EFEMP1: variants seen among roughly 807,000 people sequenced by gnomAD.
EFEMP1 encodes the protein EGF-containing fibulin-like extracellular matrix protein 1.
In EFEMP1, 18 loss-of-function variants were observed where a neutral mutation model predicts 65.7. The observed-to-expected ratio is 0.27, with a 90% CI of 0.19 to 0.41. The LOEUF (loss-of-function observed/expected upper bound fraction) is 0.41, where lower values mean the gene tolerates loss of function less well. Among genes scored for constraint, EFEMP1 ranks in the 10% least tolerant of loss-of-function variants. The pLI is 1.00. For missense variants in EFEMP1, 469 were observed against 624.8 expected, an observed-to-expected ratio of 0.75 and a Z score of 2.66; for synonymous variants, 237 against 219.7, an observed-to-expected ratio of 1.08 and a Z score of -0.70.
rs1233530630 is a variant in EFEMP1 at position 55,886,322 on chromosome 2, A to G, written c.518-4588T>C. ...TATACTTTTTTTGTTTCCAGACTGT[A>G]AACCCCTGGAGTAAAATAACCGTAT... is the stretch of plus-strand genomic sequence containing the variant. On this transcript the variant is annotated intron_variant, in intron 5 of 11. Transcript: ENST00000355426. The surrounding 1 kb of genome is among the most constrained non-coding windows in gnomAD (Gnocchi z 4.0). 6.6e-6 allele frequency among the ~76,000 whole-genome samples: 1 copy of G among 152,174 alleles called. No individual in the cohort carries two copies. The highest frequency in any genetic ancestry group is 2.4e-5 in the African/African-American group (1 of 41,444).
At position 55,886,236 on chromosome 2, in the gene EFEMP1, A is replaced by G. The variant is rs913354307; in HGVS notation, c.518-4502T>C. ...TTCTCTTTGTTTCTCCATCTCTGAAATAGAGAGTCTATCCTCAACAATAAC... is the reference window on the plus strand; with the variant it reads ...TTCTCTTTGTTTCTCCATCTCTGAAGTAGAGAGTCTATCCTCAACAATAAC... On this transcript the variant is annotated intron_variant, in intron 5 of 11. Coordinates refer to ENST00000355426, the MANE Select transcript of EFEMP1 (RefSeq NM_001039348.3). This position sits in a 1 kb window ranked among gnomAD's most constrained non-coding sequence, Gnocchi z 4.0. Among the ~76,000 whole-genome samples the G allele has an allele frequency of 1.4e-4, 22 of 152,198 alleles. No individual in the cohort carries two copies. The highest frequency in any genetic ancestry group is 7.3e-5 in the Non-Finnish European group (5 of 68,036).
At chr2:55,892,265 G>T (rs1669653467) in intron 5 of EFEMP1, among the ~76,000 whole-genome samples, 1 of 152,096 alleles carries the variant, frequency 6.6e-6, no homozygotes, top group Admixed American at 6.5e-5. Flanking sequence ...TCTGAGATCT[G>T]TTTCATTTTT....
Position 55,871,238 on chromosome 2 carries a change from G to T in EFEMP1, c.1001-115C>A. On this transcript the variant is annotated intron_variant, in intron 9 of 11. Transcript: ENST00000355426. This position sits in a 1 kb window ranked among gnomAD's most constrained non-coding sequence, Gnocchi z 4.2. Reference sequence around the variant, plus strand: ...AAGGAGGTGTGAGAGCATCTGGACTGTGTTCAACCTGCTTTTAGACACAAG... The same window carrying T: ...AAGGAGGTGTGAGAGCATCTGGACTTTGTTCAACCTGCTTTTAGACACAAG... The T allele has an allele frequency of 7.0e-7, 1 of 1,429,504 alleles. No individual in the cohort carries two copies. Among genetic ancestry groups the T allele is most frequent in the Non-Finnish European group, 9.7e-7 (1 of 1,030,628 alleles). The allele number at this position is 1,429,504 out of a possible 1,614,324, so 88.6% of individuals were successfully genotyped here.
At chr2:55,920,096 G>A (rs1210778731) in intron 3 of EFEMP1, among the ~76,000 whole-genome samples, 1 of 152,146 alleles carries the variant, frequency 6.6e-6, no homozygotes, top group South Asian at 2.1e-4. Flanking sequence ...AGTTCCAGCT[G>A]ATCTGACCTT....
chr2:55,882,836 T>G (rs901449376), intron 5 of EFEMP1, among the ~76,000 whole-genome samples: 4 of 152,198 alleles, frequency 2.6e-5, no homozygotes, highest in Admixed American at 2.6e-4. Flanking sequence ...TTCAGAGGTC[T>G]TAGATCATCA....
At chr2:55,912,662 G>T (rs1670520648) in intron 5 of EFEMP1, among the ~76,000 whole-genome samples, 1 of 152,106 alleles carries the variant, frequency 6.6e-6, no homozygotes, top group South Asian at 2.1e-4. Flanking sequence ...ACTGTAATTT[G>T]TTCCTTTAGA....
rs746343797 is a variant in EFEMP1 at position 55,917,382 on chromosome 2, G to A, written c.517+283C>T. ...TTTAACTGGGCTGGGGTGTAGCTTC[G>A]CCATCGAGAAGTTTTAAAGGTTCCC... On this transcript the variant is annotated intron_variant, in intron 5 of 11. Coordinates refer to ENST00000355426, the MANE Select transcript of EFEMP1 (RefSeq NM_001039348.3). The surrounding 1 kb of genome is among the most constrained non-coding windows in gnomAD (Gnocchi z 6.3). 2.0e-5 allele frequency among the ~76,000 whole-genome samples: 3 copies of A among 152,102 alleles called. No homozygotes were observed. The highest frequency in any genetic ancestry group is 6.5e-5 in the Admixed American group (1 of 15,268).
At position 55,871,894 on chromosome 2, in the gene EFEMP1, G is replaced by A. The variant is rs1668824874; in HGVS notation, c.1001-771C>T. Among the ~76,000 whole-genome samples the A allele has an allele frequency of 6.6e-6, 1 of 152,070 alleles. No individual in the cohort carries two copies. The highest frequency in any genetic ancestry group is 1.5e-5 in the Non-Finnish European group (1 of 68,002). ...GAGGAAGTTAAGGAAGAGGCTGTCAGTGCAGGGAGACAACCCAGGAAAAGG... is the reference window on the plus strand; with the variant it reads ...GAGGAAGTTAAGGAAGAGGCTGTCAATGCAGGGAGACAACCCAGGAAAAGG... On this transcript the variant is annotated intron_variant, in intron 9 of 11. Coordinates refer to ENST00000355426, the MANE Select transcript of EFEMP1 (RefSeq NM_001039348.3). The surrounding 1 kb of genome is among the most constrained non-coding windows in gnomAD (Gnocchi z 4.2).
In EFEMP1 at chr2:55,917,878, C is replaced by T. The variant is rs1187550373; in HGVS notation, c.304G>A (p.Val102Ile). The T allele has an allele frequency of 1.2e-6, 2 of 1,614,136 alleles. No homozygotes were observed. The highest frequency in any genetic ancestry group is 1.3e-5 in the African/African-American group (1 of 74,940). Residue 102 changes from valine (V) to isoleucine (I), a missense_variant, in exon 5 of 12, where the codon GTA becomes ATA. Physicochemically the swap from Val to Ile is conservative, Grantham distance 29. This residue lies in a region of EFEMP1 where 399 missense variants were observed against 528.2 expected (regional missense o/e 0.76). Coordinates refer to ENST00000355426, the MANE Select transcript of EFEMP1 (RefSeq NM_001039348.3). This position sits in a 1 kb window ranked among gnomAD's most constrained non-coding sequence, Gnocchi z 6.3. Reference protein sequence around the residue: ...EGTSGATTGVVAASSMATSGV... With the variant: ...EGTSGATTGVIAASSMATSGV... The stretch of plus-strand genomic sequence containing the variant: ...CTGGTTGCCATGCTGCTGGCAGCTA[C>T]AACCCCGGTGGTTGCCCCTGAGGTT...
intron 5 of EFEMP1, among the ~76,000 whole-genome samples, chr2:55,907,187 A>G (rs1405962419): frequency 6.6e-6 from 1 of 152,228 alleles, no homozygotes; most frequent in African/African-American, 2.4e-5. Flanking sequence ...AGCATCATCA[A>G]CTATGATCAG....
chr2:55,880,801 G>A (rs1212058366), intron 6 of EFEMP1, among the ~76,000 whole-genome samples: 1 of 152,160 alleles, frequency 6.6e-6, no homozygotes, highest in Non-Finnish European at 1.5e-5. Context: ...TCTGCCAGTT[G>A]GCTTCCTCAT....
At chr2:55,908,631 T>C (rs533064720) in intron 5 of EFEMP1, among the ~76,000 whole-genome samples, 16 of 152,192 alleles carry the variant, frequency 1.1e-4, no homozygotes, top group Non-Finnish European at 2.1e-4. Flanking sequence ...TTATGTTAAT[T>C]AGCTTGATTT....
chr2:55,898,203 T>TG (rs954548019), intron 5 of EFEMP1, among the ~76,000 whole-genome samples: 5 of 152,134 alleles, frequency 3.3e-5, no homozygotes, highest in African/African-American at 1.2e-4. Context: ...TCATGAAGTG[T>TG]GGGGGGTGAA....
intron 5 of EFEMP1, among the ~76,000 whole-genome samples, chr2:55,910,507 C>G (rs1484903123): frequency 6.6e-6 from 1 of 152,182 alleles, no homozygotes. Flanking sequence ...CGTGCAAAGG[C>G]AATCCTTACA....
chr2:55,879,567 G>T (rs1220025645), intron 6 of EFEMP1, among the ~76,000 whole-genome samples: 2 of 152,104 alleles, frequency 1.3e-5, no homozygotes, highest in Non-Finnish European at 2.9e-5. Flanking sequence ...TACTGTGTTT[G>T]GCACCCCAAG....
chr2:55,894,873 C>T (rs927112234), intron 5 of EFEMP1, among the ~76,000 whole-genome samples: 2 of 152,206 alleles, frequency 1.3e-5, no homozygotes, highest in Admixed American at 6.5e-5. Context: ...TGATGAATCA[C>T]GTGGCTAGGC....
chr2:55,906,375 C>T (rs1355147974), intron 5 of EFEMP1, among the ~76,000 whole-genome samples: 1 of 152,082 alleles, frequency 6.6e-6, no homozygotes, highest in Non-Finnish European at 1.5e-5. Context: ...AGGCATGTGC[C>T]ATCACGCCCA....
At chr2:55,878,865 CAA>C (rs1322827065) in intron 6 of EFEMP1, among the ~76,000 whole-genome samples, 8 of 152,094 alleles carry the variant, frequency 5.3e-5, no homozygotes, top group Non-Finnish European at 1.2e-4. Context: ...ATAATGTAGG[CAA>C]AGTTACTGGC....
rs1053046087 is a variant in EFEMP1 at position 55,923,353 on chromosome 2, G to T, written c.-49+358C>A. Among the ~76,000 whole-genome samples the T allele has an allele frequency of 3.3e-5, 5 of 152,122 alleles. No individual in the cohort carries two copies. Among genetic ancestry groups the T allele is most frequent in the Non-Finnish European group, 1.5e-5 (1 of 68,026 alleles). ...AGCAAGCTAACGCGGCGGTCCCCTG[G>T]AGCTGCTCAGCGTCCCAGCTTCTAA... On this transcript the variant is annotated intron_variant, in intron 1 of 11. Transcript: ENST00000355426. The surrounding 1 kb of genome is among the most constrained non-coding windows in gnomAD (Gnocchi z 5.3).
Sources: gnomAD v4.1 joint callset for allele counts (sites outside exome capture counted in the v4.1 genomes callset) on GRCh38, gnomAD v4.1.1 for gene constraint, gnomAD v4.1.1 regional missense constraint, Gnocchi (gnomAD v3.1) non-coding constraint, MANE v1.5 for transcripts, NCBI Gene and HGNC (gene_info 2026-07-23, HGNC 2026-07-21) for gene names.